The following NUBPL variants were observed in gnomAD, a reference collection of about 807,000 sequenced individuals.
The protein encoded by NUBPL is NUBP iron-sulfur cluster assembly factor, mitochondrial.
Under a neutral mutation model 45.7 loss-of-function variants are expected in NUBPL, and 31 were observed. The observed-to-expected ratio is 0.68, with a 90% confidence interval of 0.51 to 0.92. The LOEUF (loss-of-function observed/expected upper bound fraction) is 0.92. Among genes scored for constraint, NUBPL ranks in the 40% least tolerant of loss-of-function variants. The pLI is 0.00. For missense variants in NUBPL, 401 were observed against 398.7 expected (o/e 1.01, Z -0.05); for synonymous variants, 144 against 140.9 (o/e 1.02, Z -0.15).
At chr14:31,725,547 C>G (rs897971858) in intron 6 of NUBPL, among the ~76,000 whole-genome samples, 16 of 151,974 alleles carry the variant, frequency 1.1e-4, no homozygotes, top group African/African-American at 3.9e-4. Flanking sequence ...ATACACATAG[C>G]CTGAAGGCAA....
intron 4 of NUBPL, among the ~76,000 whole-genome samples, chr14:31,604,051 C>T (rs74397336): frequency 1.7e-4 from 26 of 151,894 alleles, no homozygotes; most frequent in African/African-American, 6.0e-4. Flanking sequence ...CATAAACACT[C>T]GAAGTGAACT....
At chr14:31,764,481 A>T (rs2038874893) in intron 6 of NUBPL, among the ~76,000 whole-genome samples, 1 of 152,088 alleles carries the variant, frequency 6.6e-6, no homozygotes, top group South Asian at 2.1e-4. Flanking sequence ...TCATGACTGA[A>T]CTCCATAATG....
chr14:31,736,712 A>G (rs140106089), intron 6 of NUBPL, among the ~76,000 whole-genome samples: 161 of 152,290 alleles, frequency 1.1e-3, no homozygotes, highest in African/African-American at 3.5e-3. Context: ...TTTTGTGTAT[A>G]TACCTAGAAA....
chr14:31,627,856 CAG>C (rs1169443131), intron 4 of NUBPL, among the ~76,000 whole-genome samples: 2 of 150,774 alleles, frequency 1.3e-5, no homozygotes, highest in African/African-American at 2.4e-5. Flanking sequence ...GAAATTGAAA[CAG>C]AAATTTAAAA....
At chr14:31,594,195 A>G (rs1329328069) in intron 3 of NUBPL, among the ~76,000 whole-genome samples, 2 of 152,120 alleles carry the variant, frequency 1.3e-5, no homozygotes, top group African/African-American at 4.8e-5. Flanking sequence ...AGGCAGGAGG[A>G]TCACTTGAGC....
intron 7 of NUBPL, among the ~76,000 whole-genome samples, chr14:31,820,808 G>C (rs2040005459): frequency 1.4e-5 from 2 of 141,270 alleles, no homozygotes; most frequent in African/African-American, 2.7e-5. Flanking sequence ...CTGGGCAACA[G>C]AGCAAGACTC....
chr14:31,823,506 C>G (rs1273262025), intron 7 of NUBPL, among the ~76,000 whole-genome samples: 1 of 152,010 alleles, frequency 6.6e-6, no homozygotes, highest in Non-Finnish European at 1.5e-5. Context: ...CAAGGAGATT[C>G]CTCTGCTTAT....
intron 7 of NUBPL, among the ~76,000 whole-genome samples, chr14:31,816,106 A>G (rs1321362823): frequency 2.6e-5 from 4 of 152,194 alleles, no homozygotes; most frequent in African/African-American, 9.7e-5. Flanking sequence ...TTTCAGAAGG[A>G]ATGGTACAGT....
intron 6 of NUBPL, among the ~76,000 whole-genome samples, chr14:31,702,894 T>A (rs746526291): frequency 5.3e-5 from 8 of 152,222 alleles, no homozygotes; most frequent in Non-Finnish European, 8.8e-5. Context: ...TCCCCAATTT[T>A]TGTTTGGTGC....
chr14:31,697,083 A>C (rs778133805), intron 6 of NUBPL, among the ~76,000 whole-genome samples: 1 of 152,240 alleles, frequency 6.6e-6, no homozygotes, highest in Non-Finnish European at 1.5e-5. Context: ...CTGACCAGAC[A>C]GATAAACTTT....
chr14:31,822,005 A>G (rs1165609673), intron 7 of NUBPL, among the ~76,000 whole-genome samples: 1 of 152,144 alleles, frequency 6.6e-6, no homozygotes, highest in Non-Finnish European at 1.5e-5. Flanking sequence ...TTTTGGACAG[A>G]GAGAGTAGAG....
At chr14:31,640,482 G>A (rs115661278) in intron 4 of NUBPL, among the ~76,000 whole-genome samples, 1 of 151,868 alleles carries the variant, frequency 6.6e-6, no homozygotes, top group African/African-American at 2.4e-5. Context: ...GGGCATGGTG[G>A]TGAATACCTG....
At position 31,787,898 on chromosome 14, in the gene NUBPL, T is replaced by C. The variant is rs1463056668; in HGVS notation, c.607+25T>C. On this transcript the variant is annotated intron_variant, in intron 7 of 10. Transcript: ENST00000281081. Reference sequence around the variant, plus strand: ...GGTAAATCTTCAAAGTTTAAAGTAATTTGTACTTTTTTTGATGTGTTGTTA... The same window carrying C: ...GGTAAATCTTCAAAGTTTAAAGTAACTTGTACTTTTTTTGATGTGTTGTTA... 11 of 1,506,140 alleles carry C rather than the reference T, an allele frequency of 7.3e-6. No homozygotes were observed. In the East Asian group the frequency reaches 2.3e-4, roughly 31 times the overall value. The allele number at this position is 1,506,140 out of a possible 1,614,324, so 93.3% of individuals were successfully genotyped here. A position where few individuals can be genotyped will look rare whatever the true frequency, so the allele number is the denominator to read the frequency against.
intron 6 of NUBPL, among the ~76,000 whole-genome samples, chr14:31,767,483 G>A (rs536835547): frequency 1.3e-5 from 2 of 152,278 alleles, no homozygotes; most frequent in South Asian, 4.1e-4. Context: ...AAAGTGCTGG[G>A]ATTACAGGCG....
intron 6 of NUBPL, among the ~76,000 whole-genome samples, chr14:31,757,008 A>G (rs113248112): frequency 3.0e-4 from 46 of 151,822 alleles, no homozygotes; most frequent in Non-Finnish European, 5.7e-4. Context: ...TACATTTATT[A>G]ATTTGCATAT....
At chr14:31,638,421 C>T (rs375053735) in intron 4 of NUBPL, among the ~76,000 whole-genome samples, 1 of 151,794 alleles carries the variant, frequency 6.6e-6, no homozygotes, top group Non-Finnish European at 1.5e-5. Context: ...TTGGCCCCCA[C>T]TCTCTTCTGG....
At chr14:31,830,022 C>G (rs2040164898) in intron 8 of NUBPL, among the ~76,000 whole-genome samples, 1 of 152,130 alleles carries the variant, frequency 6.6e-6, no homozygotes, top group African/African-American at 2.4e-5. Flanking sequence ...GAGTCCCAGG[C>G]ACCCCGATCT....
intron 4 of NUBPL, among the ~76,000 whole-genome samples, chr14:31,630,489 G>C (rs1247793459): frequency 6.6e-6 from 1 of 152,146 alleles, no homozygotes; most frequent in African/African-American, 2.4e-5. Flanking sequence ...ATGTGTTCTT[G>C]TTGACATTTA....
At chr14:31,814,826 T>A (rs1012441085) in intron 7 of NUBPL, among the ~76,000 whole-genome samples, 3 of 152,202 alleles carry the variant, frequency 2.0e-5, no homozygotes, top group African/African-American at 7.2e-5. Context: ...TTGGCAGGTT[T>A]GTTAAAGATC....
Sources: gnomAD v4.1 joint callset for allele counts (sites outside exome capture counted in the v4.1 genomes callset) on GRCh38, gnomAD v4.1.1 for gene constraint, MANE v1.5 for transcripts, NCBI Gene and HGNC (gene_info 2026-07-23, HGNC 2026-07-21) for gene names.